The following VPS13A variants were observed in gnomAD, a reference collection of about 807,000 sequenced individuals.
VPS13A encodes vacuolar protein sorting 13 homolog A.
A neutral mutation model predicts 390.9 loss-of-function variants in VPS13A; 264 were observed. The ratio of observed to expected loss-of-function variants is 0.68; its 90% CI spans 0.61 to 0.75. The LOEUF is 0.75. VPS13A is among the 30% of genes least tolerant of loss of function. The pLI is 0.00. For missense variants in VPS13A, 3,409 were observed against 3,733.9 expected (o/e 0.91, Z 2.27); for synonymous variants, 1,231 against 1,227.1 (o/e 1.00, Z -0.07).
Position 77,228,143 on chromosome 9 carries a change from G to A in VPS13A, c.1474G>A (p.Val492Ile). ...LKTFEALKFF[V>I]HLKSMSIVLR... is the part of the protein sequence containing the mutation. ...TTAGTTTGAAGCCTTGAAGTTTTTT[G>A]TCCACTTGAAAAGTATGTCTATTGT... Residue 492 changes from valine (V) to isoleucine (I), a missense_variant, in exon 17 of 72, where the codon GTC becomes ATC. Physicochemically the swap from Val to Ile is conservative, Grantham distance 29. This residue lies in a region of VPS13A where 2,717 missense variants were observed against 2,917.4 expected (regional missense o/e 0.93). Transcript: ENST00000360280. 6.2e-7 allele frequency: 1 copy of A among 1,601,356 alleles called. No individual in the cohort carries two copies. Among genetic ancestry groups the A allele is most frequent in the South Asian group, 1.1e-5 (1 of 89,376 alleles).
rs367839400 is a variant in VPS13A at position 77,325,061 on chromosome 9, G to GA, written c.5991+1840dup. ...CACCAAGTTAACAACTATCTACACA[G>GA]AAAAAACACCTTCATAAGAACCAAA... On this transcript the variant is annotated intron_variant, in intron 45 of 71. Transcript: ENST00000360280. Among the ~76,000 whole-genome samples, 1,095 of 152,208 alleles carry GA rather than the reference G, an allele frequency of 7.2e-3. 8 individuals carry two copies. Among genetic ancestry groups the GA allele is most frequent in the African/African-American group, 0.01 (435 of 41,552 alleles).
At chr9:77,306,628 A>G (rs999481524) in intron 34 of VPS13A, among the ~76,000 whole-genome samples, 8 of 152,122 alleles carry the variant, frequency 5.3e-5, no homozygotes, top group African/African-American at 1.9e-4. Context: ...AGAGGAGGTC[A>G]GTCTTTTTTT....
chr9:77,227,547 G>T, intron 16 of VPS13A, 62 bp downstream of exon 16: 1 of 1,321,238 alleles, frequency 7.6e-7, no homozygotes, highest in Non-Finnish European at 1.1e-6. Flanking sequence ...TTTAGAGACA[G>T]GGTCTCACTC....
intron 7 of VPS13A, among the ~76,000 whole-genome samples, chr9:77,211,057 G>A (rs1825950609): frequency 1.3e-5 from 2 of 152,048 alleles, no homozygotes; most frequent in Non-Finnish European, 2.9e-5. Flanking sequence ...TTGTAGCATA[G>A]TGTTTTCCTG....
rs1823713368 is a variant in VPS13A at position 77,177,642 on chromosome 9, T to G, written c.-63T>G. ...ACCGAATTACCTCGAGGGAGGGGCG[T>G]GGGGAAGGCGGCGGGAGGAGGAGCG... On this transcript the variant is annotated 5_prime_UTR_variant, in exon 1 of 72. Transcript: ENST00000360280. 42 of 1,474,758 alleles carry G rather than the reference T, an allele frequency of 2.8e-5. No individual in the cohort carries two copies. In the South Asian group the frequency reaches 4.1e-4, roughly 14 times the overall value. The allele number at this position is 1,474,758 out of a possible 1,614,324, so 91.4% of individuals were successfully genotyped here.
At chr9:77,209,674 T>C in intron 6 of VPS13A, 142 bp downstream of exon 6, 1 of 633,418 alleles carries the variant, frequency 1.6e-6, no homozygotes, top group East Asian at 2.8e-5. Flanking sequence ...TTCTTTTCTA[T>C]AATTATAGTT....
chr9:77,264,349 A>C (rs1040299171), intron 23 of VPS13A, among the ~76,000 whole-genome samples: 2 of 152,142 alleles, frequency 1.3e-5, no homozygotes, highest in Non-Finnish European at 2.9e-5. Context: ...ATGATAACTT[A>C]ATGGGGATAG....
intron 52 of VPS13A, among the ~76,000 whole-genome samples, chr9:77,347,824 A>G (rs1283042206): frequency 2.6e-5 from 4 of 151,132 alleles, no homozygotes; most frequent in Non-Finnish European, 4.4e-5. Context: ...CTAAACATTT[A>G]TCTTTCCGTG....
rs569821847 is a variant in VPS13A, at chr9:77,303,815, T to C, written c.3960+753T>C. ...GGAGTAAAGAATAACAAAGCAGCAT[T>C]ACTGCAAACATGTCTCGCCTCCCAC... On this transcript the variant is annotated intron_variant, in intron 34 of 71. Transcript: ENST00000360280. 6.6e-5 allele frequency among the ~76,000 whole-genome samples: 10 copies of C among 152,290 alleles called. No individual in the cohort carries two copies. In the East Asian group the frequency reaches 1.9e-3, roughly 29 times the overall value.
At position 77,307,981 on chromosome 9, in the gene VPS13A, A is replaced by G; in HGVS notation, c.3997A>G (p.Lys1333Glu). 1 of 1,600,774 alleles carries G rather than the reference A, an allele frequency of 6.2e-7. No homozygotes were observed. Among genetic ancestry groups the G allele is most frequent in the Non-Finnish European group, 8.6e-7 (1 of 1,167,946 alleles). Reference protein sequence around the residue: ...LSQEDITTIFKTLHGNIWYEK... With the variant: ...LSQEDITTIFETLHGNIWYEK... Reference sequence around the variant, plus strand: ...TCAAGAAGATATAACAACTATTTTTAAAACATTGCATGGCAATATATGGTA... The same window carrying G: ...TCAAGAAGATATAACAACTATTTTTGAAACATTGCATGGCAATATATGGTA... The change falls in exon 35 of 72, where the codon AAA becomes GAA. Residue 1333 changes from lysine (K) to glutamate (E), a missense_variant. Coordinates refer to ENST00000360280, the MANE Select transcript of VPS13A (RefSeq NM_033305.3).
At position 77,223,116 on chromosome 9, in the gene VPS13A, T is replaced by C. The variant is rs114756386; in HGVS notation, c.1161+1760T>C. On this transcript the variant is annotated intron_variant, in intron 13 of 71. Transcript: ENST00000360280. ...CTCTGGAGGCTGCCCAATTTGCAAA[T>C]TGTTCATTGCTTAATTAAATCTTTT... Among the ~76,000 whole-genome samples the C allele has an allele frequency of 4.8e-3, 737 of 152,234 alleles. 6 individuals are homozygous for C. Among genetic ancestry groups the C allele is most frequent in the African/African-American group, 0.017 (699 of 41,546 alleles).
intron 22 of VPS13A, among the ~76,000 whole-genome samples, chr9:77,254,136 G>T (rs542452711): frequency 6.6e-6 from 1 of 151,428 alleles, no homozygotes; most frequent in Admixed American, 6.6e-5. Flanking sequence ...GTAGAGATGG[G>T]GTTTCACCGT....
At chr9:77,343,169 A>G (rs907242956) in intron 50 of VPS13A, among the ~76,000 whole-genome samples, 6 of 152,148 alleles carry the variant, frequency 3.9e-5, no homozygotes, top group African/African-American at 1.4e-4. Flanking sequence ...AGAGCTTCCG[A>G]ATGAAGTGCC....
chr9:77,352,419 G>A (rs563501603), intron 53 of VPS13A, among the ~76,000 whole-genome samples: 2 of 152,112 alleles, frequency 1.3e-5, no homozygotes, highest in South Asian at 4.2e-4. Flanking sequence ...GGAGTCTGCT[G>A]TGGGTATTGT....
rs183979056 is a variant in VPS13A, at chr9:77,378,095, T to G, written c.9078-3881T>G. On this transcript the variant is annotated intron_variant, in intron 67 of 71. Transcript: ENST00000360280. ...TTGTTGAGGATTTTTGCATGTATATTTATAAGGGATATTGGTCTGTGGTTT... is the reference window on the plus strand; with the variant it reads ...TTGTTGAGGATTTTTGCATGTATATGTATAAGGGATATTGGTCTGTGGTTT... Among the ~76,000 whole-genome samples the G allele has an allele frequency of 7.0e-3, 1,071 of 152,270 alleles. 3 individuals carry two copies. Among genetic ancestry groups the G allele is most frequent in the Non-Finnish European group, 0.011 (757 of 68,014 alleles).
chr9:77,291,266 T>G (rs1426471376), intron 31 of VPS13A, among the ~76,000 whole-genome samples: 1 of 152,112 alleles, frequency 6.6e-6, no homozygotes, highest in African/African-American at 2.4e-5. Flanking sequence ...TGCTCTGAAG[T>G]GGAACAATTT....
intron 71 of VPS13A, among the ~76,000 whole-genome samples, chr9:77,410,691 C>G (rs1036067266): frequency 1.3e-5 from 2 of 151,982 alleles, no homozygotes; most frequent in African/African-American, 4.8e-5. Flanking sequence ...TCAAAAGAGA[C>G]AAAGAAGGCC....
At position 77,209,340 on chromosome 9, in the gene VPS13A, C is replaced by T. The variant is rs924181268; in HGVS notation, c.386-83C>T. On this transcript the variant is annotated intron_variant, in intron 5 of 71. Transcript: ENST00000360280. Reference sequence around the variant, plus strand: ...ATATATGTATATTTCAGCAAGGCAACGTAAGCATGTTACTTCAGTATGTGG... The same window carrying T: ...ATATATGTATATTTCAGCAAGGCAATGTAAGCATGTTACTTCAGTATGTGG... The T allele has an allele frequency of 2.0e-5, 19 of 953,744 alleles. 1 individual carries two copies. Among genetic ancestry groups the T allele is most frequent in the African/African-American group, 6.6e-5 (4 of 60,932 alleles). 59.1% of individuals were successfully genotyped at this position (953,744 alleles called of 1,614,324 possible).
rs1244227519 is a variant in VPS13A at position 77,358,439 on chromosome 9, G to A, written c.8035+1G>A. On this transcript the variant is annotated splice_donor_variant, in intron 57 of 71. Coordinates refer to ENST00000360280, the MANE Select transcript of VPS13A (RefSeq NM_033305.3). LOFTEE classifies it high-confidence loss of function. ...CCAAAGTCGGTCACCATGGATTCAG[G>A]TTTGTTTTTATTTTTAGATTTCCAT... is the stretch of plus-strand genomic sequence containing the variant. 2.5e-6 allele frequency: 4 copies of A among 1,611,202 alleles called. No individual in the cohort carries two copies. Among genetic ancestry groups the A allele is most frequent in the East Asian group, 2.2e-5 (1 of 44,802 alleles).
Sources: gnomAD v4.1 joint callset for allele counts (sites outside exome capture counted in the v4.1 genomes callset) on GRCh38, gnomAD v4.1.1 for gene constraint, gnomAD v4.1.1 regional missense constraint, MANE v1.5 for transcripts, NCBI Gene and HGNC (gene_info 2026-07-23, HGNC 2026-07-21) for gene names.